The following PABPC4L variants were observed in gnomAD, a reference collection of about 807,000 sequenced individuals.
PABPC4L encodes the protein polyadenylate-binding protein 4-like.
For missense variants in PABPC4L, 452 were observed against 451.4 expected, an observed-to-expected ratio of 1.00 and a Z score of -0.01; for synonymous variants, 169 against 164.1, an observed-to-expected ratio of 1.03 and a Z score of -0.23.
Position 134,199,706 on chromosome 4 carries a change from T to C in PABPC4L, c.*201A>G. 1.7e-6 allele frequency: 1 copy of C among 583,240 alleles called. No individual in the cohort carries two copies. Among genetic ancestry groups the C allele is most frequent in the South Asian group, 2.6e-5 (1 of 38,328 alleles). The allele number at this position is 583,240 out of a possible 1,614,324, so 36.1% of individuals were successfully genotyped here. ...CAATATTAAAATTAGAAAATGTGCC[T>C]CTGTAAAATGAACTAAGCTCCATCT... is the stretch of plus-strand genomic sequence containing the variant. On this transcript the variant is annotated 3_prime_UTR_variant, in exon 2 of 2. Coordinates refer to ENST00000421491, the MANE Select transcript of PABPC4L (RefSeq NM_001114734.2).
At chr4:133,987,474 T>C in the PABPC4L span, among the ~76,000 whole-genome samples, 1 of 152,174 alleles carries the variant, frequency 6.6e-6, no homozygotes, top group Non-Finnish European at 1.5e-5. Flanking sequence ...TAATACTACA[T>C]GTCTATTTCC....
chr4:134,132,774 G>T, the PABPC4L span, among the ~76,000 whole-genome samples: 33 of 150,746 alleles, frequency 2.2e-4, no homozygotes, highest in South Asian at 1.3e-3. Flanking sequence ...ATTTATAGCA[G>T]CACTATTTGC....
At chr4:133,973,403 A>G in the PABPC4L span, among the ~76,000 whole-genome samples, 10 of 152,106 alleles carry the variant, frequency 6.6e-5, no homozygotes, top group Non-Finnish European at 1.5e-4. Context: ...ACTTTTTCAG[A>G]ACTCTGGAAA....
the PABPC4L span, among the ~76,000 whole-genome samples, chr4:134,145,917 AT>A: frequency 1.2e-4 from 18 of 152,020 alleles, no homozygotes; most frequent in African/African-American, 4.3e-4. Context: ...TGAAAAAATT[AT>A]TTTAAAAATG....
the PABPC4L span, among the ~76,000 whole-genome samples, chr4:133,981,018 G>A: frequency 6.3e-3 from 966 of 152,158 alleles, 11 homozygotes; most frequent in African/African-American, 0.022. Context: ...AAAATCAGCC[G>A]GGTGTAGTGG....
chr4:134,100,621 T>G, the PABPC4L span, among the ~76,000 whole-genome samples: 2 of 151,594 alleles, frequency 1.3e-5, no homozygotes, highest in Admixed American at 1.3e-4. Context: ...TTACTACCTC[T>G]CTATGTACCC....
the PABPC4L span, among the ~76,000 whole-genome samples, chr4:134,174,533 A>G: frequency 1.3e-5 from 2 of 152,182 alleles, no homozygotes; most frequent in Non-Finnish European, 2.9e-5. Flanking sequence ...ACCAGGTGAT[A>G]GTAATTTTTC....
the PABPC4L span, among the ~76,000 whole-genome samples, chr4:134,038,803 A>G: frequency 1.3e-5 from 2 of 151,492 alleles, no homozygotes; most frequent in African/African-American, 4.8e-5. Flanking sequence ...TGTGAAGGGT[A>G]TTTCATATCT....
the PABPC4L span, among the ~76,000 whole-genome samples, chr4:134,136,347 A>G: frequency 6.6e-6 from 1 of 152,074 alleles, no homozygotes; most frequent in Non-Finnish European, 1.5e-5. Context: ...TCCTTCAGAC[A>G]TTGTAGACTT....
the PABPC4L span, among the ~76,000 whole-genome samples, chr4:134,121,927 A>G: frequency 2.0e-5 from 3 of 151,856 alleles, no homozygotes; most frequent in African/African-American, 7.2e-5. Flanking sequence ...ATGAAAGACA[A>G]GTTCGCCATG....
chr4:134,146,285 T>A, the PABPC4L span, among the ~76,000 whole-genome samples: 1 of 151,918 alleles, frequency 6.6e-6, no homozygotes, highest in Admixed American at 6.6e-5. Context: ...TATGATAGAA[T>A]AATAAAAATA....
the PABPC4L span, among the ~76,000 whole-genome samples, chr4:133,968,658 C>T: frequency 3.9e-4 from 59 of 151,772 alleles, 1 homozygote; most frequent in East Asian, 0.01. Flanking sequence ...CTATAGTAAA[C>T]GGATAACTAG....
At chr4:134,034,890 G>A in the PABPC4L span, among the ~76,000 whole-genome samples, 1 of 152,020 alleles carries the variant, frequency 6.6e-6, no homozygotes, top group Non-Finnish European at 1.5e-5. Flanking sequence ...TAGTGGCAAA[G>A]TTTGAAATAA....
the PABPC4L span, among the ~76,000 whole-genome samples, chr4:133,961,858 G>A: frequency 6.6e-6 from 1 of 152,126 alleles, no homozygotes; most frequent in Admixed American, 6.5e-5. Context: ...CATTGTTCCT[G>A]CCTGGGCTAA....
chr4:133,954,373 A>T, the PABPC4L span, among the ~76,000 whole-genome samples: 11 of 152,188 alleles, frequency 7.2e-5, 1 homozygote, highest in South Asian at 2.3e-3. Context: ...TCTTGTGAGG[A>T]TGGAGTTTTA....
At chr4:134,150,549 T>C in the PABPC4L span, among the ~76,000 whole-genome samples, 1 of 152,154 alleles carries the variant, frequency 6.6e-6, no homozygotes, top group African/African-American at 2.4e-5. Flanking sequence ...CAAATTTCAC[T>C]TTAAAAAAAT....
chr4:134,000,332 A>G, the PABPC4L span, among the ~76,000 whole-genome samples: 1 of 152,166 alleles, frequency 6.6e-6, no homozygotes, highest in Non-Finnish European at 1.5e-5. Flanking sequence ...CATTTGAACT[A>G]AGACTTAAAT....
the PABPC4L span, among the ~76,000 whole-genome samples, chr4:134,003,018 G>T: frequency 6.6e-6 from 1 of 151,898 alleles, no homozygotes; most frequent in Non-Finnish European, 1.5e-5. Context: ...TATTGCACCT[G>T]CTTCAGAGGT....
the PABPC4L span, among the ~76,000 whole-genome samples, chr4:134,180,081 C>T: frequency 6.6e-6 from 1 of 151,922 alleles, no homozygotes; most frequent in Non-Finnish European, 1.5e-5. Flanking sequence ...CATCCAAAAA[C>T]AGAATATACA....
Sources: allele counts gnomAD v4.1 joint callset (sites outside exome capture counted in the v4.1 genomes callset), GRCh38; gene constraint gnomAD v4.1.1; transcripts MANE v1.5; gene names NCBI Gene and HGNC (gene_info 2026-07-23, HGNC 2026-07-21).